Variants in CDCA7L observed in about 807,000 individuals in gnomAD.
CDCA7L encodes cell division cycle associated 7 like.
Under a neutral mutation model 57.4 loss-of-function variants are expected in CDCA7L, and 44 were observed. The observed-to-expected ratio is 0.77, with a 90% CI of 0.60 to 0.98. The LOEUF is 0.98. Among genes scored for constraint, CDCA7L ranks in the 50% least tolerant of loss-of-function variants. CDCA7L has a pLI of 0.00. For missense variants in CDCA7L, 644 were observed against 580.6 expected (o/e 1.11, Z -1.12); for synonymous variants, 236 against 202.8 (o/e 1.16, Z -1.39).
chr7:21,926,320 T>C (rs1769366577), intron 1 of CDCA7L, among the ~76,000 whole-genome samples: 1 of 152,168 alleles, frequency 6.6e-6, no homozygotes, highest in Non-Finnish European at 1.5e-5. Context: ...AATTAAAAAC[T>C]GTTGTGCATC....
intron 3 of CDCA7L, among the ~76,000 whole-genome samples, chr7:21,910,470 G>A (rs866691488): frequency 6.6e-6 from 1 of 152,198 alleles, no homozygotes; most frequent in Non-Finnish European, 1.5e-5. Flanking sequence ...GACATGGCAG[G>A]CTAGGAGTCA....
At chr7:21,928,288 C>T (rs1478542015) in intron 1 of CDCA7L, among the ~76,000 whole-genome samples, 1 of 152,086 alleles carries the variant, frequency 6.6e-6, no homozygotes, top group Non-Finnish European at 1.5e-5. Context: ...CACTCAGAAT[C>T]CCCATCCGAA....
At chr7:21,943,287 GA>G (rs1167633495) in intron 1 of CDCA7L, among the ~76,000 whole-genome samples, 1 of 152,262 alleles carries the variant, frequency 6.6e-6, no homozygotes, top group African/African-American at 2.4e-5. Context: ...AAGCAGACTC[GA>G]AAGTAGTTCA....
rs189930953 is a variant in CDCA7L, at chr7:21,939,486, T to C, written c.24+6295A>G. 5.3e-5 allele frequency among the ~76,000 whole-genome samples: 8 copies of C among 152,334 alleles called. No individual in the cohort carries two copies. In the East Asian group the frequency reaches 1.5e-3, roughly 29 times the overall value. ...GATGAGTACCTAATGAACTGGAATTTTGGCAGAGATCCTGGGAGTGAAGTG... is the reference window on the plus strand; with the variant it reads ...GATGAGTACCTAATGAACTGGAATTCTGGCAGAGATCCTGGGAGTGAAGTG... On this transcript the variant is annotated intron_variant, in intron 1 of 9. Coordinates refer to ENST00000406877, the MANE Select transcript of CDCA7L (RefSeq NM_018719.5).
intron 8 of CDCA7L, 68 bp from the exon 9 acceptor site, chr7:21,903,182 A>C: frequency 6.6e-7 from 1 of 1,508,000 alleles, no homozygotes; most frequent in Non-Finnish European, 9.0e-7. Flanking sequence ...TGGGATTCGG[A>C]TCCAGAATGG....
chr7:21,901,396 A>C lies in CDCA7L; in HGVS notation c.*926T>G, dbSNP rs1784836360. On this transcript the variant is annotated 3_prime_UTR_variant, in exon 10 of 10. Transcript: ENST00000406877. Reference sequence around the variant, plus strand: ...TTTTTCAACGCTATCCTTAGAGTGAAAGTCAGAAAAAAATACTAGAAACTA... The same window carrying C: ...TTTTTCAACGCTATCCTTAGAGTGACAGTCAGAAAAAAATACTAGAAACTA... 3 of 1,204,284 alleles carry C rather than the reference A, an allele frequency of 2.5e-6. No individual in the cohort carries two copies. 74.6% of individuals were successfully genotyped at this position (1,204,284 alleles called of 1,614,324 possible). A position where few individuals can be genotyped will look rare whatever the true frequency, so the allele number is the denominator to read the frequency against.
rs371749596 is a variant in CDCA7L at position 21,905,621 on chromosome 7, C to T, written c.932G>A (p.Arg311Gln). Residue 311 changes from arginine to glutamine, a missense_variant, in exon 7 of 10, where the codon CGG (arginine) becomes CAG (glutamine). Physicochemically the swap from Arg to Gln is conservative, Grantham distance 43. Transcript: ENST00000406877. ...RRRKTIGGKCREYRRRHRISS... is the reference protein window; with the variant it reads ...RRRKTIGGKCQEYRRRHRISS... ...TATACGGTGACGTCGTCTGTACTCCCGGCATTTCCCCTGCACAATGAACAC... is the reference window on the plus strand; with the variant it reads ...TATACGGTGACGTCGTCTGTACTCCTGGCATTTCCCCTGCACAATGAACAC... 5.3e-5 allele frequency: 86 copies of T among 1,613,742 alleles called. No homozygotes were observed. Among genetic ancestry groups the T allele is most frequent in the East Asian group, 3.6e-4 (16 of 44,882 alleles).
intron 1 of CDCA7L, among the ~76,000 whole-genome samples, chr7:21,918,037 G>A (rs1456695179): frequency 2.1e-5 from 2 of 94,842 alleles, no homozygotes; most frequent in Non-Finnish European, 3.9e-5. Context: ...CTTGTAGAAT[G>A]TCATGTATTC....
At position 21,921,435 on chromosome 7, in the gene CDCA7L, T is replaced by A. The variant is rs535896711; in HGVS notation, c.25-4541A>T. 1.3e-3 allele frequency among the ~76,000 whole-genome samples: 195 copies of A among 151,762 alleles called. 2 individuals carry two copies. The highest frequency in any genetic ancestry group is 4.4e-3 in the South Asian group (21 of 4,798). On this transcript the variant is annotated intron_variant, in intron 1 of 9. Transcript: ENST00000406877. ...TGCAACAAAGGCAGCAAGATTTATA[T>A]GAGAAGGACCTGATAGAAAGGATAC...
At chr7:21,911,587 A>C (rs550194091) in intron 3 of CDCA7L, 30 bp downstream of exon 3, 1 of 1,586,140 alleles carries the variant, frequency 6.3e-7, no homozygotes, top group Admixed American at 1.9e-5. Context: ...AAACGTTACC[A>C]CCCACATCCC....
chr7:21,914,997 G>A (rs1785435914), intron 2 of CDCA7L, among the ~76,000 whole-genome samples: 1 of 152,166 alleles, frequency 6.6e-6, no homozygotes, highest in Non-Finnish European at 1.5e-5. Context: ...GGATCCAACA[G>A]GCTCTGCTCT....
chr7:21,935,637 T>G (rs1286981265), intron 1 of CDCA7L, among the ~76,000 whole-genome samples: 1 of 151,512 alleles, frequency 6.6e-6, no homozygotes, highest in Non-Finnish European at 1.5e-5. Context: ...TTAAGCTACA[T>G]GACTAGAAAA....
At chr7:21,904,663 T>G (rs1447538770) in intron 7 of CDCA7L, among the ~76,000 whole-genome samples, 4 of 152,192 alleles carry the variant, frequency 2.6e-5, no homozygotes, top group Non-Finnish European at 5.9e-5. Flanking sequence ...AACAGTTTCA[T>G]CCTGAAACCA....
chr7:21,902,703 T>C (rs200571893), intron 9 of CDCA7L: 4 of 429,788 alleles, frequency 9.3e-6, no homozygotes, highest in Non-Finnish European at 1.3e-5. Flanking sequence ...CTTGTTTGTT[T>C]GTTCCTTCCA....
chr7:21,904,547 CA>C (rs1389450151), intron 7 of CDCA7L, among the ~76,000 whole-genome samples: 1 of 152,188 alleles, frequency 6.6e-6, no homozygotes, highest in African/African-American at 2.4e-5. Context: ...TCAGCAGCAG[CA>C]TTAGATTCTC....
chr7:21,922,080 TAAGA>T (rs1785670985), intron 1 of CDCA7L, among the ~76,000 whole-genome samples: 1 of 152,266 alleles, frequency 6.6e-6, no homozygotes, highest in Non-Finnish European at 1.5e-5. Flanking sequence ...GCCATTTTCT[TAAGA>T]AAGGTGTATT....
At chr7:21,945,742 T>G in intron 1 of CDCA7L, 39 bp downstream of exon 1, 1 of 1,600,858 alleles carries the variant, frequency 6.2e-7, no homozygotes, top group South Asian at 1.1e-5. Context: ...AGTCAAACTG[T>G]GGGTGCGTCC....
At chr7:21,905,479 A>G (rs1785110247) in intron 7 of CDCA7L, 27 bp downstream of exon 7, 3 of 1,610,420 alleles carry the variant, frequency 1.9e-6, no homozygotes, top group South Asian at 1.1e-5. Flanking sequence ...GACTCCCAAT[A>G]AGAATGACAA....
At chr7:21,905,033 C>G (rs1006417955) in intron 7 of CDCA7L, among the ~76,000 whole-genome samples, 1 of 151,964 alleles carries the variant, frequency 6.6e-6, no homozygotes, top group Non-Finnish European at 1.5e-5. Flanking sequence ...AAATTTAAAA[C>G]TTGACAGTGT....
Sources: gnomAD v4.1 joint callset for allele counts (sites outside exome capture counted in the v4.1 genomes callset) on GRCh38, gnomAD v4.1.1 for gene constraint, MANE v1.5 for transcripts, NCBI Gene and HGNC (gene_info 2026-07-23, HGNC 2026-07-21) for gene names.